CD44: variants seen among roughly 807,000 people sequenced by gnomAD.
CD44 encodes CD44 antigen.
A neutral mutation model predicts 88.8 loss-of-function variants in CD44; 49 were observed. The ratio of observed to expected loss-of-function variants is 0.55; its 90% CI spans 0.44 to 0.70. The LOEUF (loss-of-function observed/expected upper bound fraction) is 0.70, where lower values mean the gene tolerates loss of function less well. Ranked by LOEUF, CD44 falls within the 30% of genes least tolerant of loss-of-function variation. The probability of loss-of-function intolerance (pLI) is 0.00; values close to 1 mark genes in which losing one functional copy is unlikely to be tolerated. For synonymous variants in CD44, 325 were observed against 312.3 expected (o/e 1.04, Z -0.43); for missense variants, 883 against 913.8 (o/e 0.97, Z 0.43).
intron 1 of CD44, among the ~76,000 whole-genome samples, chr11:35,147,449 T>A (rs1859384435): frequency 6.6e-6 from 1 of 152,018 alleles, no homozygotes; most frequent in African/African-American, 2.4e-5. Flanking sequence ...GACCATCCCA[T>A]CAGGGAGCAA....
chr11:35,165,889 A>G (rs1015301616), intron 1 of CD44, among the ~76,000 whole-genome samples: 2 of 152,202 alleles, frequency 1.3e-5, no homozygotes, highest in African/African-American at 2.4e-5. Flanking sequence ...GATATTACCT[A>G]TGAGTAACAG....
chr11:35,166,436 A>G (rs982042064), intron 1 of CD44, among the ~76,000 whole-genome samples: 3 of 151,904 alleles, frequency 2.0e-5, no homozygotes, highest in African/African-American at 7.3e-5. Context: ...AGTCCCCATC[A>G]TCCCATTAGG....
intron 7 of CD44, among the ~76,000 whole-genome samples, chr11:35,199,726 A>T (rs1947108771): frequency 1.3e-5 from 2 of 152,162 alleles, no homozygotes; most frequent in Admixed American, 6.5e-5. Flanking sequence ...GTAACTTCAG[A>T]ACAAAAACCA....
intron 9 of CD44, among the ~76,000 whole-genome samples, chr11:35,203,061 CA>C (rs1324412907): frequency 6.6e-6 from 1 of 152,102 alleles, no homozygotes; most frequent in Non-Finnish European, 1.5e-5. Context: ...TGTAACTTGA[CA>C]AAGAGAAGAC....
At chr11:35,211,812 G>A (rs1002601892) in intron 14 of CD44, among the ~76,000 whole-genome samples, 4 of 151,986 alleles carry the variant, frequency 2.6e-5, no homozygotes, top group South Asian at 2.1e-4. Context: ...GAAAGTAGTC[G>A]AATTTTAGCA....
At chr11:35,227,018 G>A (rs905112555) in intron 17 of CD44, among the ~76,000 whole-genome samples, 6 of 149,484 alleles carry the variant, frequency 4.0e-5, no homozygotes, top group African/African-American at 1.5e-4. Flanking sequence ...CTGAGTAGTT[G>A]GGATTCAGCC....
rs367740427 is a variant in CD44, at chr11:35,201,072, G to A, written c.923-10G>A. 8.7e-5 allele frequency: 139 copies of A among 1,591,506 alleles called. No individual in the cohort carries two copies. The African/African-American group carries it at 1.3e-3, about 15-fold the overall frequency. On this transcript the variant is annotated splice_polypyrimidine_tract_variant and intron_variant, in intron 7 of 17. Transcript: ENST00000428726. ...CATTTTTCTAATTGCTTCAATCATC[G>A]TTATCACAGTTTCAACCACACCACG...
At chr11:35,186,602 T>C (rs940215533) in intron 3 of CD44, among the ~76,000 whole-genome samples, 2 of 152,150 alleles carry the variant, frequency 1.3e-5, no homozygotes, top group African/African-American at 2.4e-5. Context: ...TTCACTGTGG[T>C]GGGAAAATTT....
At chr11:35,228,863 A>AATT (rs1356592625) in intron 17 of CD44, among the ~76,000 whole-genome samples, 108 of 152,204 alleles carry the variant, frequency 7.1e-4, no homozygotes, top group African/African-American at 2.5e-3. Flanking sequence ...TGGGGCTGAG[A>AATT]ATTTGTATTT....
Position 35,186,614 on chromosome 11 carries a change from C to T in CD44, c.368-218C>T, listed in dbSNP as rs145661324. Among the ~76,000 whole-genome samples, 225 of 152,144 alleles carry T rather than the reference C, an allele frequency of 1.5e-3. 2 individuals carry two copies. The highest frequency in any genetic ancestry group is 5.0e-3 in the African/African-American group (206 of 41,476). ...GAATTCACTGTGGTGGGAAAATTTC[C>T]GGAAACTTCATAAGTTCCAGAAATT... On this transcript the variant is annotated intron_variant, in intron 3 of 17. Coordinates refer to ENST00000428726, the MANE Select transcript of CD44 (RefSeq NM_000610.4).
intron 9 of CD44, among the ~76,000 whole-genome samples, chr11:35,202,830 C>A (rs935563550): frequency 5.9e-5 from 9 of 152,230 alleles, no homozygotes; most frequent in Non-Finnish European, 8.8e-5. Context: ...ACAAAGAAGT[C>A]TGATAAGAAA....
chr11:35,172,007 A>G (rs537800571), intron 1 of CD44, among the ~76,000 whole-genome samples: 2 of 152,064 alleles, frequency 1.3e-5, no homozygotes, highest in East Asian at 3.9e-4. Flanking sequence ...TTTTCGATAC[A>G]TTTTTTCTTC....
At position 35,176,908 on chromosome 11, in the gene CD44, G is replaced by A. The variant is rs557534635; in HGVS notation, c.233+168G>A. On this transcript the variant is annotated intron_variant, in intron 2 of 17. Coordinates refer to ENST00000428726, the MANE Select transcript of CD44 (RefSeq NM_000610.4). ...ATCTGCAACCTGTATGACAACTGGAGTTTAAAGTCAGCTAAAGACACCTTT... is the reference window on the plus strand; with the variant it reads ...ATCTGCAACCTGTATGACAACTGGAATTTAAAGTCAGCTAAAGACACCTTT... 13 of 622,082 alleles carry A rather than the reference G, an allele frequency of 2.1e-5. No homozygotes were observed. In the South Asian group the frequency reaches 2.7e-4, roughly 13 times the overall value. 38.5% of individuals were successfully genotyped at this position (622,082 alleles called of 1,614,324 possible). A position where few individuals can be genotyped will look rare whatever the true frequency, so the allele number is the denominator to read the frequency against.
At chr11:35,160,082 C>A (rs894567495) in intron 1 of CD44, among the ~76,000 whole-genome samples, 3 of 152,178 alleles carry the variant, frequency 2.0e-5, no homozygotes, top group Admixed American at 6.5e-5. Flanking sequence ...ATCAAGGTGC[C>A]AGGTGGGGGA....
intron 5 of CD44, 82 bp downstream of exon 5, chr11:35,190,147 C>G (rs1374094576): frequency 8.3e-7 from 1 of 1,208,582 alleles, no homozygotes; most frequent in Non-Finnish European, 1.2e-6. Flanking sequence ...TGCACACTCA[C>G]GTGCTGATTT....
intron 1 of CD44, among the ~76,000 whole-genome samples, chr11:35,148,791 T>C (rs1255359187): frequency 1.3e-5 from 2 of 152,368 alleles, no homozygotes; most frequent in African/African-American, 4.8e-5. Context: ...GAATTAATAA[T>C]GTTTCTAGAC....
chr11:35,209,289 T>TATC (rs1311380058), intron 12 of CD44, among the ~76,000 whole-genome samples: 1 of 152,248 alleles, frequency 6.6e-6, no homozygotes, highest in Non-Finnish European at 1.5e-5. Flanking sequence ...CCAGTTGATA[T>TATC]ATGTCACTGA....
intron 11 of CD44, 116 bp from the exon 12 acceptor site, chr11:35,207,989 G>A: frequency 1.5e-6 from 1 of 663,612 alleles, no homozygotes; most frequent in South Asian, 1.7e-5. Flanking sequence ...GTCAGTATGT[G>A]CTTTCTTTCC....
intron 6 of CD44, chr11:35,197,868 G>A: frequency 2.4e-6 from 1 of 419,928 alleles, no homozygotes; most frequent in Non-Finnish European, 4.3e-6. Context: ...TATATGGTGA[G>A]ATTATGTCCA....
Sources: allele counts gnomAD v4.1 joint callset (sites outside exome capture counted in the v4.1 genomes callset), GRCh38; gene constraint gnomAD v4.1.1; transcripts MANE v1.5; gene names NCBI Gene and HGNC (gene_info 2026-07-23, HGNC 2026-07-21).